Variants in BBS7 observed in about 807,000 individuals in gnomAD.
BBS7 encodes BBSome complex member BBS7.
In BBS7, 50 loss-of-function variants were observed where a neutral mutation model predicts 90.3. The ratio of observed to expected loss-of-function variants is 0.55; its 90% confidence interval spans 0.44 to 0.70. The LOEUF is 0.70. Ranked by LOEUF, BBS7 falls within the 30% of genes least tolerant of loss-of-function variation. The pLI is 0.00. For synonymous variants in BBS7, 235 were observed against 287.4 expected (o/e 0.82, Z 1.85); for missense variants, 729 against 838.9 (o/e 0.87, Z 1.62).
At chr4:121,837,416 T>C (rs188192064) in intron 13 of BBS7, among the ~76,000 whole-genome samples, 1 of 152,224 alleles carries the variant, frequency 6.6e-6, no homozygotes. Flanking sequence ...AGTAGGTACT[T>C]AATTCATCTG....
intron 5 of BBS7, among the ~76,000 whole-genome samples, chr4:121,855,974 AT>A (rs1309245796): frequency 4.3e-5 from 5 of 117,034 alleles, no homozygotes; most frequent in African/African-American, 1.4e-4. Flanking sequence ...ATATATATAT[AT>A]ATAAAATGTA....
intron 2 of BBS7, among the ~76,000 whole-genome samples, chr4:121,865,876 T>C (rs972823260): frequency 1.7e-4 from 26 of 152,198 alleles, no homozygotes; most frequent in African/African-American, 5.1e-4. Flanking sequence ...TTGTTGTTTT[T>C]TGGTTTTTTG....
intron 2 of BBS7, 51 bp downstream of exon 2, chr4:121,867,930 C>G: frequency 7.0e-7 from 1 of 1,435,044 alleles, no homozygotes; most frequent in Non-Finnish European, 9.8e-7. Context: ...ATAGGAGCCT[C>G]TCCTCTGTCA....
rs1460435262 is a variant in BBS7 at position 121,870,347 on chromosome 4, C to T, written c.-34G>A. The T allele has an allele frequency of 6.2e-7, 1 of 1,613,930 alleles. No homozygotes were observed. Among genetic ancestry groups the T allele is most frequent in the Admixed American group, 1.7e-5 (1 of 60,032 alleles). On this transcript the variant is annotated 5_prime_UTR_variant, in exon 1 of 19. Coordinates refer to ENST00000264499, the MANE Select transcript of BBS7 (RefSeq NM_176824.3). ...CGCGGAGGGGCTAAGCAGCGCCGGA[C>T]AAGAACAGGAGGGACAGAGGCTTCG...
In BBS7 at chr4:121,857,436, A is replaced by G. The variant is rs576700450; in HGVS notation, c.528+1556T>C. ...GCCCAGCCTGTTTTATCTTTTATTT[A>G]AAATATCATATTAAAATTTACAGAT... is the stretch of plus-strand genomic sequence containing the variant. On this transcript the variant is annotated intron_variant, in intron 5 of 18. Coordinates refer to ENST00000264499, the MANE Select transcript of BBS7 (RefSeq NM_176824.3). Among the ~76,000 whole-genome samples, 11 of 151,612 alleles carry G rather than the reference A, an allele frequency of 7.3e-5. No homozygotes were observed. The East Asian group carries it at 2.1e-3, about 30-fold the overall frequency.
chr4:121,866,676 G>C (rs979068428), intron 2 of BBS7, among the ~76,000 whole-genome samples: 1 of 152,176 alleles, frequency 6.6e-6, no homozygotes, highest in Non-Finnish European at 1.5e-5. Flanking sequence ...ACCATTTATT[G>C]AAGAGGCTGT....
rs1578518807 is a variant in BBS7, at chr4:121,825,771, T to TA, written c.*88dup. The TA allele has an allele frequency of 2.3e-6, 3 of 1,319,570 alleles. No individual in the cohort carries two copies. In the African/African-American group the frequency reaches 4.4e-5, roughly 19 times the overall value. 81.7% of individuals were successfully genotyped at this position (1,319,570 alleles called of 1,614,324 possible). Reference sequence around the variant, plus strand: ...TTAGATATAAAAAAGCATTTGAAATTAAAGTACATACACAGTTAACTTCTA... The same window carrying TA: ...TTAGATATAAAAAAGCATTTGAAATTAAAAGTACATACACAGTTAACTTCTA... On this transcript the variant is annotated 3_prime_UTR_variant, in exon 19 of 19. Transcript: ENST00000264499.
At chr4:121,828,352 C>T in intron 17 of BBS7, 50 bp downstream of exon 17, 1 of 1,590,428 alleles carries the variant, frequency 6.3e-7, no homozygotes, top group East Asian at 2.2e-5. Flanking sequence ...TTTTAGAAAT[C>T]CTATGACTTC....
At chr4:121,829,155 T>C (rs1725051139) in intron 15 of BBS7, among the ~76,000 whole-genome samples, 1 of 152,266 alleles carries the variant, frequency 6.6e-6, no homozygotes, top group South Asian at 2.1e-4. Context: ...AAATCTGATA[T>C]CAAATATGAA....
At chr4:121,852,129 C>G (rs1726353515) in intron 8 of BBS7, among the ~76,000 whole-genome samples, 1 of 152,176 alleles carries the variant, frequency 6.6e-6, no homozygotes, top group Non-Finnish European at 1.5e-5. Flanking sequence ...AAAATAAACT[C>G]AACTGTGTAA....
At chr4:121,838,284 T>G (rs906147699) in intron 13 of BBS7, among the ~76,000 whole-genome samples, 3 of 151,846 alleles carry the variant, frequency 2.0e-5, no homozygotes, top group Admixed American at 6.6e-5. Flanking sequence ...CCAAAATGAA[T>G]TGTTTAGGGG....
At chr4:121,836,942 C>T (rs1029944354) in intron 13 of BBS7, among the ~76,000 whole-genome samples, 1 of 150,452 alleles carries the variant, frequency 6.6e-6, no homozygotes, top group African/African-American at 2.4e-5. Context: ...ATTTTGATTC[C>T]CTCTTCTGTG....
At position 121,828,253 on chromosome 4, in the gene BBS7, T is replaced by G. The variant is rs1286277611; in HGVS notation, c.1907A>C (p.Glu636Ala). The change falls in exon 18 of 19, where the codon GAG becomes GCG. Residue 636 changes from glutamate (E) to alanine (A), a missense_variant. Physicochemically the swap from Glu to Ala is moderately radical, Grantham distance 107. Transcript: ENST00000264499. ...TGGTATCAGAAAGTTCGTATTTCCC[T>G]CATGAATCTGTAATTCCTATTTAAA... ...IDALKELQIHEGNTNFLIPEY... is the reference protein window; with the variant it reads ...IDALKELQIHAGNTNFLIPEY... The G allele has an allele frequency of 6.2e-7, 1 of 1,613,488 alleles. No homozygotes were observed. Among genetic ancestry groups the G allele is most frequent in the Non-Finnish European group, 8.5e-7 (1 of 1,179,536 alleles).
At chr4:121,829,201 A>G (rs900451789) in intron 15 of BBS7, among the ~76,000 whole-genome samples, 2 of 151,926 alleles carry the variant, frequency 1.3e-5, no homozygotes, top group African/African-American at 4.8e-5. Context: ...CTCAGCATCC[A>G]ATGCCACTGC....
chr4:121,858,348 A>G (rs577370902), intron 5 of BBS7, among the ~76,000 whole-genome samples: 2 of 145,180 alleles, frequency 1.4e-5, no homozygotes, highest in Non-Finnish European at 3.0e-5. Flanking sequence ...ACCTTTAAAC[A>G]TTATTTTAAG....
At chr4:121,862,607 A>T (rs1443712516) in intron 3 of BBS7, among the ~76,000 whole-genome samples, 9 of 152,212 alleles carry the variant, frequency 5.9e-5, no homozygotes, top group African/African-American at 2.2e-4. Flanking sequence ...TGCTTCCATG[A>T]TTACATTATG....
rs1450056385 is a variant in BBS7 at position 121,858,987 on chromosome 4, G to C, written c.528+5C>G. 6 of 1,612,080 alleles carry C rather than the reference G, an allele frequency of 3.7e-6. No homozygotes were observed. The highest frequency in any genetic ancestry group is 5.1e-6 in the Non-Finnish European group (6 of 1,178,598). On this transcript the variant is annotated splice_donor_5th_base_variant and intron_variant, in intron 5 of 18. Coordinates refer to ENST00000264499, the MANE Select transcript of BBS7 (RefSeq NM_176824.3). ...AAAAATTAGAAAAATACAAATAACA[G>C]CAACCTGTAAAACTCTGAGCACTCT...
intron 15 of BBS7, among the ~76,000 whole-genome samples, chr4:121,832,009 AAC>A (rs375865529): frequency 0.14 from 19,551 of 142,686 alleles, 1,314 homozygotes; most frequent in South Asian, 0.19. Flanking sequence ...AAAAAACAAA[AAC>A]ACACACACAC....
chr4:121,861,300 TA>T (rs1726965676), intron 4 of BBS7: 1 of 482,740 alleles, frequency 2.1e-6, no homozygotes, highest in Non-Finnish European at 3.6e-6. Context: ...AATGATTGTA[TA>T]AATACTATAA....
Sources: gnomAD v4.1 joint callset for allele counts (sites outside exome capture counted in the v4.1 genomes callset) on GRCh38, gnomAD v4.1.1 for gene constraint, MANE v1.5 for transcripts, NCBI Gene and HGNC (gene_info 2026-07-23, HGNC 2026-07-21) for gene names.